DNER: variants seen among roughly 807,000 people sequenced by gnomAD.
DNER encodes the protein delta and Notch-like epidermal growth factor-related receptor.
DNER carries 33 observed loss-of-function variants against 78.2 expected under a neutral mutation model. The observed-to-expected ratio is 0.42, with a 90% CI of 0.32 to 0.56. The LOEUF is 0.56. Ranked by LOEUF, DNER falls within the 20% of genes least tolerant of loss-of-function variation. The probability of loss-of-function intolerance (pLI) is 0.11; values close to 1 mark genes in which losing one functional copy is unlikely to be tolerated. For missense variants in DNER, 918 were observed against 975.3 expected, an observed-to-expected ratio of 0.94 and a Z score of 0.78; for synonymous variants, 417 against 384.8, an observed-to-expected ratio of 1.08 and a Z score of -0.98.
At chr2:229,706,938 T>C (rs1699836475) in intron 1 of DNER, among the ~76,000 whole-genome samples, 1 of 152,194 alleles carries the variant, frequency 6.6e-6, no homozygotes, top group Admixed American at 6.5e-5. Flanking sequence ...CATTCTTAGT[T>C]GGTAGAAAGA....
intron 11 of DNER, 77 bp from the exon 12 acceptor site, chr2:229,367,196 T>G: frequency 6.4e-7 from 1 of 1,573,172 alleles, no homozygotes; most frequent in Non-Finnish European, 8.6e-7. Context: ...CATCTTTGCA[T>G]AGATAACTTA....
At chr2:229,570,862 G>T (rs1697206236) in intron 4 of DNER, among the ~76,000 whole-genome samples, 1 of 152,136 alleles carries the variant, frequency 6.6e-6, no homozygotes, top group Non-Finnish European at 1.5e-5. Flanking sequence ...TTCTGGAAGT[G>T]GTAGGAGCAC....
chr2:229,631,867 G>C (rs377215657), intron 1 of DNER, among the ~76,000 whole-genome samples: 3 of 152,322 alleles, frequency 2.0e-5, no homozygotes, highest in South Asian at 2.1e-4. Context: ...CTGCCTCATA[G>C]GGTTGTCTTA....
At chr2:229,427,573 G>A (rs892612129) in intron 8 of DNER, among the ~76,000 whole-genome samples, 1 of 152,156 alleles carries the variant, frequency 6.6e-6, no homozygotes, top group Non-Finnish European at 1.5e-5. Context: ...GGAGGAGAGG[G>A]AGGAGATGCA....
chr2:229,387,646 C>A (rs139412313), intron 11 of DNER, among the ~76,000 whole-genome samples: 9 of 152,134 alleles, frequency 5.9e-5, no homozygotes, highest in African/African-American at 2.2e-4. Context: ...TCACTTCAAT[C>A]CTAGTAGATA....
At chr2:229,574,143 G>A (rs1215781547) in intron 4 of DNER, among the ~76,000 whole-genome samples, 8 of 152,126 alleles carry the variant, frequency 5.3e-5, no homozygotes, top group South Asian at 2.1e-4. Flanking sequence ...TGTCCTGAGC[G>A]AAAACTGGAA....
intron 7 of DNER, among the ~76,000 whole-genome samples, chr2:229,471,705 A>T (rs2154211162): frequency 6.6e-6 from 1 of 152,376 alleles, no homozygotes; most frequent in Middle Eastern, 3.4e-3. Flanking sequence ...AATAGCTAAC[A>T]TTAACTCAGC....
intron 4 of DNER, among the ~76,000 whole-genome samples, chr2:229,561,041 A>C (rs1457917758): frequency 1.3e-5 from 2 of 152,144 alleles, no homozygotes; most frequent in African/African-American, 4.8e-5. Context: ...ATTTCCAACT[A>C]AAGGTTACTT....
intron 1 of DNER, among the ~76,000 whole-genome samples, chr2:229,658,044 A>G (rs1342154641): frequency 6.6e-6 from 1 of 152,240 alleles, no homozygotes; most frequent in East Asian, 1.9e-4. Context: ...ATTGAACAGA[A>G]TGCTGCTGAA....
chr2:229,498,412 T>C (rs1206665304), intron 6 of DNER, among the ~76,000 whole-genome samples: 1 of 152,112 alleles, frequency 6.6e-6, no homozygotes, highest in Non-Finnish European at 1.5e-5. Context: ...TAACTTAATA[T>C]ACTAGCCAGA....
intron 4 of DNER, among the ~76,000 whole-genome samples, chr2:229,550,740 G>A (rs1469799461): frequency 2.0e-5 from 3 of 152,002 alleles, no homozygotes; most frequent in East Asian, 3.9e-4. Flanking sequence ...GCACCACTGC[G>A]CTCCAGTCTG....
intron 6 of DNER, among the ~76,000 whole-genome samples, chr2:229,487,887 T>C (rs1695310843): frequency 6.6e-6 from 1 of 152,228 alleles, no homozygotes; most frequent in Non-Finnish European, 1.5e-5. Flanking sequence ...GTGCCCAGGC[T>C]AGCCTCACTG....
chr2:229,359,648 C>T (rs181875715), intron 12 of DNER, among the ~76,000 whole-genome samples: 30 of 152,224 alleles, frequency 2.0e-4, no homozygotes, highest in Non-Finnish European at 3.1e-4. Context: ...ATTAAAGGGG[C>T]TTATTTGCCA....
Position 229,714,304 on chromosome 2 carries a change from C to T in DNER, c.120G>A (p.Ala40=), listed in dbSNP as rs1272474062. 1.5e-6 allele frequency: 2 copies of T among 1,303,268 alleles called. No homozygotes were observed. Among genetic ancestry groups the T allele is most frequent in the Admixed American group, 7.7e-5 (2 of 26,022 alleles). The allele number at this position is 1,303,268 out of a possible 1,614,324, so 80.7% of individuals were successfully genotyped here. The part of the protein sequence containing the change: ...GSSLANPVPA[A]PLSAPGPCAA... ...CGCACGGCCCGGGCGCAGACAGGGG[C>T]GCGGCGGGCACCGGGTTGGCCAGGG... The change falls in exon 1 of 13, where the codon GCG becomes GCA. Residue 40 remains alanine (A), a synonymous_variant. Transcript: ENST00000341772.
intron 1 of DNER, among the ~76,000 whole-genome samples, chr2:229,593,534 T>G (rs185269112): frequency 2.6e-4 from 39 of 152,366 alleles, no homozygotes; most frequent in African/African-American, 8.9e-4. Flanking sequence ...TTTTATCTAC[T>G]GTGTTCACTG....
Position 229,714,542 on chromosome 2 carries a change from C to T in DNER, c.-119G>A. On this transcript the variant is annotated 5_prime_UTR_variant, in exon 1 of 13. Transcript: ENST00000341772. ...GCTAGGGCTGCTCCGCCGGGCCGGG[C>T]GCCTCCTGCAGCTGCGGGATCCGCG... 2.9e-6 allele frequency: 3 copies of T among 1,028,472 alleles called. No individual in the cohort carries two copies. Among genetic ancestry groups the T allele is most frequent in the South Asian group, 8.9e-5 (2 of 22,408 alleles). The allele number at this position is 1,028,472 out of a possible 1,614,324, so 63.7% of individuals were successfully genotyped here.
chr2:229,526,447 C>T (rs1043812936), intron 5 of DNER, among the ~76,000 whole-genome samples: 1 of 152,186 alleles, frequency 6.6e-6, no homozygotes, highest in Admixed American at 6.5e-5. Context: ...ACGGTTAATA[C>T]CCTAGAGCAG....
chr2:229,643,409 T>C (rs1045799944), intron 1 of DNER, among the ~76,000 whole-genome samples: 1 of 152,204 alleles, frequency 6.6e-6, no homozygotes, highest in African/African-American at 2.4e-5. Flanking sequence ...TGGAAAGCAT[T>C]ACACACTTAG....
chr2:229,534,269 C>T (rs1219257095), intron 5 of DNER, among the ~76,000 whole-genome samples: 3 of 150,484 alleles, frequency 2.0e-5, no homozygotes, highest in African/African-American at 4.9e-5. Context: ...TGTAATGAAA[C>T]AGGCCAATAG....
Sources: gnomAD v4.1 joint callset for allele counts (sites outside exome capture counted in the v4.1 genomes callset) on GRCh38, gnomAD v4.1.1 for gene constraint, MANE v1.5 for transcripts, NCBI Gene and HGNC (gene_info 2026-07-23, HGNC 2026-07-21) for gene names.